ABCC5: variants seen among roughly 807,000 people sequenced by gnomAD.
ABCC5 encodes ATP binding cassette subfamily C member 5.
Under a neutral mutation model 160.9 loss-of-function variants are expected in ABCC5, and 61 were observed. The observed-to-expected ratio is 0.38, with a 90% confidence interval of 0.31 to 0.47. ABCC5 has a LOEUF of 0.47. Ranked by LOEUF, ABCC5 falls within the 20% of genes least tolerant of loss-of-function variation. ABCC5 has a pLI of 0.99. For synonymous variants in ABCC5, 666 were observed against 700.6 expected (o/e 0.95, Z 0.78); for missense variants, 1,308 against 1,813.3 (o/e 0.72, Z 5.06).
intron 26 of ABCC5, among the ~76,000 whole-genome samples, chr3:183,933,531 GC>G: frequency 6.6e-6 from 1 of 152,278 alleles, no homozygotes; most frequent in South Asian, 2.1e-4. Flanking sequence ...GTGTTTTAAG[GC>G]CTGGATGAAA....
chr3:183,945,200 A>G (rs989425925), intron 24 of ABCC5, among the ~76,000 whole-genome samples: 1 of 152,184 alleles, frequency 6.6e-6, no homozygotes, highest in African/African-American at 2.4e-5. Context: ...AGTTCTTTAC[A>G]GCAGTGTGAA....
At chr3:183,984,735 A>G in intron 5 of ABCC5, 1 of 1,535,088 alleles carries the variant, frequency 6.5e-7, no homozygotes, top group Non-Finnish European at 8.7e-7. Context: ...TTTACTAGCA[A>G]GAAGATTGGC....
intron 3 of ABCC5, 145 bp downstream of exon 3, chr3:183,989,081 G>T: frequency 2.6e-6 from 2 of 782,316 alleles, no homozygotes; most frequent in Non-Finnish European, 3.8e-6. Flanking sequence ...AGAGGCAGGA[G>T]AATCACTTGA....
intron 2 of ABCC5, among the ~76,000 whole-genome samples, chr3:183,994,487 T>C (rs1720078164): frequency 6.6e-6 from 1 of 152,158 alleles, no homozygotes; most frequent in African/African-American, 2.4e-5. Context: ...GCAATTCTCC[T>C]GCCTCAGCCT....
Position 183,959,847 on chromosome 3 carries a change from T to TAAAAAAAA in ABCC5, c.2380-20_2380-13dup. ...TTTTTTGAATTGATCTAATAATATT[T>TAAAAAAAA]AAAAAAAAAAGTCTCCAGTCATGTT... On this transcript the variant is annotated splice_polypyrimidine_tract_variant and intron_variant, in intron 16 of 29. Transcript: ENST00000334444. The TAAAAAAAA allele has an allele frequency of 6.8e-7, 1 of 1,462,542 alleles. No individual in the cohort carries two copies. Among genetic ancestry groups the TAAAAAAAA allele is most frequent in the Non-Finnish European group, 9.3e-7 (1 of 1,076,608 alleles). The allele number at this position is 1,462,542 out of a possible 1,614,324, so 90.6% of individuals were successfully genotyped here.
chr3:184,002,412 AG>A (rs1324008871), intron 2 of ABCC5, among the ~76,000 whole-genome samples: 7 of 141,736 alleles, frequency 4.9e-5, no homozygotes, highest in African/African-American at 1.9e-4. Flanking sequence ...AAAAAAAAAA[AG>A]AGAAAAACAA....
At chr3:183,992,626 A>C (rs970140910) in intron 2 of ABCC5, among the ~76,000 whole-genome samples, 1 of 151,910 alleles carries the variant, frequency 6.6e-6, no homozygotes, top group African/African-American at 2.4e-5. Flanking sequence ...TCTACTAAAA[A>C]AAAATACAAA....
chr3:183,939,725 A>G (rs974969731), intron 25 of ABCC5, among the ~76,000 whole-genome samples: 8 of 152,212 alleles, frequency 5.3e-5, no homozygotes, highest in Non-Finnish European at 2.9e-5. Context: ...TACAGAGCCA[A>G]AAAGAAAAGA....
intron 27 of ABCC5, chr3:183,927,682 C>T (rs2108759716): frequency 1.0e-6 from 1 of 985,420 alleles, no homozygotes; most frequent in South Asian, 4.7e-5. Flanking sequence ...TCCCAGAAAT[C>T]CCAACGCTTT....
At chr3:183,970,431 T>TCACC (rs1283101922) in intron 11 of ABCC5, among the ~76,000 whole-genome samples, 1 of 143,062 alleles carries the variant, frequency 7.0e-6, no homozygotes, top group African/African-American at 2.6e-5. Flanking sequence ...CACTCTCTCC[T>TCACC]CACCCACCTT....
chr3:183,962,969 A>T (rs1228382566), intron 15 of ABCC5, among the ~76,000 whole-genome samples: 1 of 152,206 alleles, frequency 6.6e-6, no homozygotes, highest in Admixed American at 6.5e-5. Flanking sequence ...GTGACAACAT[A>T]TGTGAGCCAG....
intron 24 of ABCC5, among the ~76,000 whole-genome samples, chr3:183,943,820 G>A (rs73046536): frequency 9.0e-4 from 137 of 152,124 alleles, no homozygotes; most frequent in African/African-American, 3.1e-3. Context: ...CAAGGCTCTC[G>A]CCAACCATAA....
At chr3:184,011,404 C>T (rs947249408) in intron 2 of ABCC5, 5 of 152,202 alleles carry the variant, frequency 3.3e-5, no homozygotes, top group African/African-American at 1.2e-4. Context: ...AACATTATAA[C>T]ATTGAGTACT....
At chr3:183,959,200 G>T (rs1716507819) in intron 17 of ABCC5, among the ~76,000 whole-genome samples, 1 of 152,080 alleles carries the variant, frequency 6.6e-6, no homozygotes, top group Non-Finnish European at 1.5e-5. Context: ...AACATAAAGG[G>T]TTTAAGAAAC....
At chr3:184,009,852 AT>A (rs1424446136) in intron 2 of ABCC5, 5 of 282,972 alleles carry the variant, frequency 1.8e-5, no homozygotes, top group South Asian at 1.3e-4. Context: ...CAGTACTCAA[AT>A]TTCAAAGTTT....
intron 11 of ABCC5, among the ~76,000 whole-genome samples, chr3:183,970,593 C>T (rs1717650642): frequency 6.6e-6 from 1 of 151,964 alleles, no homozygotes; most frequent in African/African-American, 2.4e-5. Context: ...TATAGGCGTA[C>T]AGCTGGCTAA....
chr3:183,925,823 A>ATTGTT, intron 28 of ABCC5, 104 bp from the exon 29 acceptor site: 1 of 1,040,226 alleles, frequency 9.6e-7, no homozygotes, highest in Non-Finnish European at 1.3e-6. Flanking sequence ...TACACTATCT[A>ATTGTT]TTGTTTTCTT....
rs1577500166 is a variant in ABCC5, at chr3:183,949,684, T to G, written c.3227+69A>C. On this transcript the variant is annotated intron_variant, in intron 22 of 29. Transcript: ENST00000334444. This position sits in a 1 kb window ranked among gnomAD's most constrained non-coding sequence, Gnocchi z 4.2. The stretch of plus-strand genomic sequence containing the variant: ...TCCCCATCTCTGGCCTTGAAGAGCC[T>G]CCCGGACAAGTATCAAACGCTGGGA... The G allele has an allele frequency of 3.2e-6, 5 of 1,577,364 alleles. No homozygotes were observed. The East Asian group carries it at 1.1e-4, about 35-fold the overall frequency.
chr3:183,952,514 G>A (rs1715467631), intron 18 of ABCC5, among the ~76,000 whole-genome samples: 1 of 152,144 alleles, frequency 6.6e-6, no homozygotes, highest in African/African-American at 2.4e-5. Flanking sequence ...ATCTTGAATT[G>A]TAATTCCCAG....
Sources: allele counts gnomAD v4.1 joint callset (sites outside exome capture counted in the v4.1 genomes callset), GRCh38; gene constraint gnomAD v4.1.1; non-coding constraint Gnocchi (gnomAD v3.1); transcripts MANE v1.5; gene names NCBI Gene and HGNC (gene_info 2026-07-23, HGNC 2026-07-21).